The following NKAIN2 variants were observed in gnomAD, a reference collection of about 807,000 sequenced individuals.
NKAIN2 encodes sodium/potassium-transporting ATPase subunit beta-1-interacting protein 2.
In NKAIN2, 14 loss-of-function variants were observed where a neutral mutation model predicts 32.6. That is an observed-to-expected ratio of 0.43 (90% CI 0.28 to 0.67). The LOEUF (loss-of-function observed/expected upper bound fraction) is 0.67. Ranked by LOEUF, NKAIN2 falls within the 30% of genes least tolerant of loss-of-function variation. The pLI, the probability that NKAIN2 is intolerant of heterozygous loss-of-function variation, is 0.17. For synonymous variants in NKAIN2, 80 were observed against 87.2 expected (o/e 0.92, Z 0.46); for missense variants, 198 against 258.3 (o/e 0.77, Z 1.60).
intron 4 of NKAIN2, among the ~76,000 whole-genome samples, chr6:124,767,944 A>G (rs971766774): frequency 3.9e-5 from 6 of 152,256 alleles, no homozygotes; most frequent in South Asian, 2.1e-4. Context: ...TAGATTCCCA[A>G]CATATTTACC....
At position 123,887,310 on chromosome 6, in the gene NKAIN2, A is replaced by T. The variant is rs1038368121; in HGVS notation, c.54+83056A>T. ...GGTCTACACTCAGATATGACATGCT[A>T]TTGTTCTTCATGGTTAAGAGGCATA... On this transcript the variant is annotated intron_variant, in intron 1 of 6. Transcript: ENST00000368417. 1.4e-4 allele frequency among the ~76,000 whole-genome samples: 21 copies of T among 152,062 alleles called. No individual in the cohort carries two copies. The South Asian group carries it at 1.4e-3, about 10-fold the overall frequency.
intron 1 of NKAIN2, among the ~76,000 whole-genome samples, chr6:124,108,730 T>C (rs1022978795): frequency 6.6e-6 from 1 of 152,038 alleles, no homozygotes; most frequent in Non-Finnish European, 1.5e-5. Context: ...TCATATAAGA[T>C]AGGGTTTAAT....
At chr6:124,732,344 G>C (rs2114667547) in intron 4 of NKAIN2, among the ~76,000 whole-genome samples, 2 of 152,164 alleles carry the variant, frequency 1.3e-5, no homozygotes, top group Non-Finnish European at 2.9e-5. Context: ...CTGAGGAATA[G>C]GACAGGGTTT....
At chr6:124,180,196 A>C (rs559832721) in intron 1 of NKAIN2, among the ~76,000 whole-genome samples, 2 of 152,286 alleles carry the variant, frequency 1.3e-5, no homozygotes, top group African/African-American at 4.8e-5. Context: ...TTGTATTCTC[A>C]TGCTGCCAAT....
intron 1 of NKAIN2, among the ~76,000 whole-genome samples, chr6:123,974,796 A>G (rs1226218182): frequency 6.6e-6 from 1 of 152,190 alleles, no homozygotes; most frequent in Admixed American, 6.5e-5. Flanking sequence ...CTAAGTTCTA[A>G]CGGAACATTT....
intron 6 of NKAIN2, among the ~76,000 whole-genome samples, chr6:124,820,547 T>C (rs1781352597): frequency 6.6e-6 from 1 of 152,330 alleles, no homozygotes; most frequent in South Asian, 2.1e-4. Flanking sequence ...ATGAAAAGGC[T>C]GTATCAAGTC....
At chr6:124,705,741 G>A (rs1775026869) in intron 4 of NKAIN2, among the ~76,000 whole-genome samples, 1 of 152,060 alleles carries the variant, frequency 6.6e-6, no homozygotes, top group Non-Finnish European at 1.5e-5. Context: ...AAGACATACT[G>A]TTAAACCCTG....
intron 3 of NKAIN2, among the ~76,000 whole-genome samples, chr6:124,500,267 A>G (rs945565449): frequency 2.6e-5 from 4 of 152,208 alleles, no homozygotes; most frequent in Admixed American, 6.5e-5. Context: ...CTGTTAATGT[A>G]CTGACTTCCA....
intron 2 of NKAIN2, among the ~76,000 whole-genome samples, chr6:124,321,159 G>A (rs1236029312): frequency 6.6e-6 from 1 of 152,176 alleles, no homozygotes; most frequent in Non-Finnish European, 1.5e-5. Flanking sequence ...AATCCTGCCT[G>A]CCTTCCTTTT....
chr6:124,231,256 C>T (rs527569514), intron 1 of NKAIN2, among the ~76,000 whole-genome samples: 1 of 152,306 alleles, frequency 6.6e-6, no homozygotes, highest in South Asian at 2.1e-4. Flanking sequence ...ATGCCTGCAT[C>T]CCCATTGTAT....
At chr6:124,026,056 C>G (rs1489568846) in intron 1 of NKAIN2, among the ~76,000 whole-genome samples, 1 of 152,144 alleles carries the variant, frequency 6.6e-6, no homozygotes. Flanking sequence ...GCTGAAGTTT[C>G]TTACTGTTTA....
chr6:124,140,556 A>T (rs896973630), intron 1 of NKAIN2, among the ~76,000 whole-genome samples: 1 of 152,222 alleles, frequency 6.6e-6, no homozygotes, highest in Non-Finnish European at 1.5e-5. Context: ...GTTAATGCAC[A>T]GAACATTTGA....
At chr6:123,855,738 T>A (rs1376545984) in intron 1 of NKAIN2, among the ~76,000 whole-genome samples, 1 of 152,226 alleles carries the variant, frequency 6.6e-6, no homozygotes, top group Non-Finnish European at 1.5e-5. Flanking sequence ...TTGTGTATCC[T>A]GCATATAAAA....
intron 4 of NKAIN2, among the ~76,000 whole-genome samples, chr6:124,708,560 C>A (rs927189923): frequency 6.6e-6 from 1 of 151,868 alleles, no homozygotes; most frequent in Non-Finnish European, 1.5e-5. Flanking sequence ...TCCTTCACAT[C>A]CCTTGTAAGT....
chr6:124,618,235 T>C (rs1483167164), intron 3 of NKAIN2, among the ~76,000 whole-genome samples: 1 of 152,112 alleles, frequency 6.6e-6, no homozygotes, highest in Non-Finnish European at 1.5e-5. Flanking sequence ...CCCAGCACTT[T>C]GGGAGGCTGA....
chr6:124,225,870 C>G (rs1792079764), intron 1 of NKAIN2, among the ~76,000 whole-genome samples: 1 of 151,986 alleles, frequency 6.6e-6, no homozygotes, highest in African/African-American at 2.4e-5. Context: ...AAGCTCTTTT[C>G]TCTAGTGGCA....
intron 1 of NKAIN2, among the ~76,000 whole-genome samples, chr6:124,111,850 ATGTG>A (rs921685204): frequency 1.5e-4 from 22 of 150,834 alleles, no homozygotes; most frequent in Admixed American, 2.6e-4. Flanking sequence ...ACAGATTTGT[ATGTG>A]TGTGTGTGTG....
At position 123,803,971 on chromosome 6, in the gene NKAIN2, G is replaced by T. The variant is rs1464196817; in HGVS notation, c.-230G>T. 5.3e-5 allele frequency among the ~76,000 whole-genome samples: 8 copies of T among 151,114 alleles called. No homozygotes were observed. The highest frequency in any genetic ancestry group is 1.0e-4 in the Non-Finnish European group (7 of 67,660). On this transcript the variant is annotated 5_prime_UTR_variant, in exon 1 of 7. Transcript: ENST00000368417. The stretch of plus-strand genomic sequence containing the variant: ...GCCCGCGGCGCGGCGTGTGCACCGA[G>T]CGAGTGAAGGTATGTGTGGCGGGCG...
chr6:124,564,491 C>CA lies in NKAIN2; in HGVS notation c.274-93695_274-93694insA, dbSNP rs1780826256. ...AGAGAATAAAAGCTGGCCAACCCCC[C>CA]CCTCCCCCACCAGCCAGCAGGAGCA... is the stretch of plus-strand genomic sequence containing the variant. On this transcript the variant is annotated intron_variant, in intron 3 of 6. Coordinates refer to ENST00000368417, the MANE Select transcript of NKAIN2 (RefSeq NM_001040214.3). Among the ~76,000 whole-genome samples, 3 of 152,080 alleles carry CA rather than the reference C, an allele frequency of 2.0e-5. No individual in the cohort carries two copies. In the South Asian group the frequency reaches 6.2e-4, roughly 31 times the overall value.
Sources: allele counts gnomAD v4.1 joint callset (sites outside exome capture counted in the v4.1 genomes callset), GRCh38; gene constraint gnomAD v4.1.1; transcripts MANE v1.5; gene names NCBI Gene and HGNC (gene_info 2026-07-23, HGNC 2026-07-21).